Variants in CPLX2 observed in about 807,000 individuals in gnomAD.
CPLX2 encodes the protein complexin 2, also known as complexin-2.
Under a neutral mutation model 16.3 loss-of-function variants are expected in CPLX2, and 5 were observed. The observed-to-expected ratio is 0.31, with a 90% CI of 0.16 to 0.64. The LOEUF is 0.64. CPLX2 is among the 30% of genes least tolerant of loss of function. CPLX2 has a pLI of 0.79. For synonymous variants in CPLX2, 89 were observed against 73.2 expected (o/e 1.22, Z -1.10); for missense variants, 144 against 181.4 (o/e 0.79, Z 1.18).
In CPLX2 at chr5:175,845,175, T is replaced by C. The variant is rs1334241197; in HGVS notation, c.-88-33477T>C. Among the ~76,000 whole-genome samples, 1 of 152,240 alleles carries C rather than the reference T, an allele frequency of 6.6e-6. No individual in the cohort carries two copies. The highest frequency in any genetic ancestry group is 1.5e-5 in the Non-Finnish European group (1 of 68,042). On this transcript the variant is annotated intron_variant, in intron 2 of 4. Transcript: ENST00000359546. This position sits in a 1 kb window ranked among gnomAD's most constrained non-coding sequence, Gnocchi z 4.0. Reference sequence around the variant, plus strand: ...ATTTTCTCTTCACAACCACTCTGTGTGGGAGTCAACAGCAGACACCTTTTC... The same window carrying C: ...ATTTTCTCTTCACAACCACTCTGTGCGGGAGTCAACAGCAGACACCTTTTC...
chr5:175,879,179 C>G, intron 3 of CPLX2, 96 bp downstream of exon 3: 3 of 1,297,054 alleles, frequency 2.3e-6, no homozygotes, highest in South Asian at 1.5e-5. Flanking sequence ...GATCCCAGCT[C>G]TCACCTTCGC....
chr5:175,858,069 G>A (rs1006625556), intron 2 of CPLX2, among the ~76,000 whole-genome samples: 5 of 152,366 alleles, frequency 3.3e-5, no homozygotes, highest in Middle Eastern at 6.8e-3. Flanking sequence ...GCTCAGAGTG[G>A]AAAGCTGACT....
At chr5:175,818,650 CTTTTTTTTTTTTTTTT>C (rs70988300) in intron 2 of CPLX2, among the ~76,000 whole-genome samples, 1 of 50,808 alleles carries the variant, frequency 2.0e-5, no homozygotes, top group African/African-American at 7.4e-5. Flanking sequence ...CTGTCCCAAC[CTTTTTTTTTTTTTTTT>C]TTTTTTTTTT....
intron 1 of CPLX2, among the ~76,000 whole-genome samples, chr5:175,877,200 C>T (rs1446923917): frequency 6.6e-6 from 1 of 151,476 alleles, no homozygotes; most frequent in Admixed American, 6.6e-5. Context: ...TGCCAAAGCC[C>T]CTGGGCTGTT....
chr5:175,838,804 T>A (rs1758892266), intron 2 of CPLX2, among the ~76,000 whole-genome samples: 1 of 152,220 alleles, frequency 6.6e-6, no homozygotes, highest in African/African-American at 2.4e-5. Flanking sequence ...TCACTCTAAC[T>A]TTCTTACCCA....
At chr5:175,870,155 A>T (rs1759559289), upstream of CPLX2, among the ~76,000 whole-genome samples, 2 of 152,214 alleles carry the variant, frequency 1.3e-5, no homozygotes, top group African/African-American at 4.8e-5. Context: ...AAGAATAAGC[A>T]TTCTATGCTG....
intron 2 of CPLX2, among the ~76,000 whole-genome samples, chr5:175,851,173 T>A (rs1759144578): frequency 6.6e-6 from 1 of 152,026 alleles, no homozygotes; most frequent in African/African-American, 2.4e-5. Flanking sequence ...CACTTTCTTG[T>A]CTCTTCAAAG....
At chr5:175,853,005 G>A (rs541378925) in intron 2 of CPLX2, among the ~76,000 whole-genome samples, 1 of 152,340 alleles carries the variant, frequency 6.6e-6, no homozygotes, top group South Asian at 2.1e-4. Flanking sequence ...CATGACCAGA[G>A]GGCTAGCCTC....
At chr5:175,832,925 T>C (rs1758758653) in intron 2 of CPLX2, among the ~76,000 whole-genome samples, 1 of 152,044 alleles carries the variant, frequency 6.6e-6, no homozygotes, top group Non-Finnish European at 1.5e-5. Context: ...GAGGCCGAGG[T>C]GGGCAGATCT....
intron 2 of CPLX2, among the ~76,000 whole-genome samples, chr5:175,811,228 G>C (rs1052539266): frequency 9.9e-5 from 15 of 152,232 alleles, no homozygotes; most frequent in African/African-American, 3.6e-4. Flanking sequence ...TCTGCATTCT[G>C]AGTTAACAAA....
In CPLX2 at chr5:175,879,034, C is replaced by T; in HGVS notation, c.158C>T (p.Ala53Val). The T allele has an allele frequency of 6.3e-7, 1 of 1,592,104 alleles. No homozygotes were observed. The highest frequency in any genetic ancestry group is 8.5e-7 in the Non-Finnish European group (1 of 1,169,756). The change falls in exon 3 of 4, where the codon GCG becomes GTG. Residue 53 changes from alanine (A) to valine (V), a missense_variant. Coordinates refer to ENST00000393745, the MANE Select transcript of CPLX2 (RefSeq NM_001008220.2). The part of the protein sequence containing the change: ...QQEEERKAKH[A>V]RMEAEREKVR... ...GAGGAGGAGCGTAAGGCCAAGCACGCGCGCATGGAGGCGGAGCGGGAGAAG... is the reference window on the plus strand; with the variant it reads ...GAGGAGGAGCGTAAGGCCAAGCACGTGCGCATGGAGGCGGAGCGGGAGAAG...
In CPLX2 at chr5:175,871,709, G is replaced by A. The variant is rs1759624672; in HGVS notation, c.-89+4G>A. The A allele has an allele frequency of 6.6e-6, 1 of 152,548 alleles. No individual in the cohort carries two copies. The highest frequency in any genetic ancestry group is 6.5e-5 in the Admixed American group (1 of 15,294). The allele number at this position is 152,548 out of a possible 1,614,324, so 9.4% of individuals were successfully genotyped here. A position where few individuals can be genotyped will look rare whatever the true frequency, so the allele number is the denominator to read the frequency against. On this transcript the variant is annotated splice_donor_region_variant and intron_variant, in intron 1 of 3. Transcript: ENST00000393745. ...AGACGGTTGCAGGGACCGCCAGGTC[G>A]GTGCTGGCCGAGGGCCGGGAGGGCG...
At chr5:175,811,378 A>C (rs1233667492) in intron 2 of CPLX2, among the ~76,000 whole-genome samples, 1 of 152,216 alleles carries the variant, frequency 6.6e-6, no homozygotes, top group Non-Finnish European at 1.5e-5. Flanking sequence ...AGCTCAAGAA[A>C]AAATTTGAGT....
intron 2 of CPLX2, among the ~76,000 whole-genome samples, chr5:175,814,733 A>G (rs146973574): frequency 6.6e-6 from 1 of 152,312 alleles, no homozygotes; most frequent in African/African-American, 2.4e-5. Context: ...GGGCTCAGGA[A>G]AGGACCAGAG....
rs1201398635 is a variant in CPLX2 at position 175,872,555 on chromosome 5, G to A, written c.-89+850G>A. Among the ~76,000 whole-genome samples the A allele has an allele frequency of 6.6e-6, 1 of 152,104 alleles. No homozygotes were observed. Among genetic ancestry groups the A allele is most frequent in the Admixed American group, 6.5e-5 (1 of 15,280 alleles). ...CGGGGGTCCGGGAGAGGGGCGCCGGGGTTCCTGTCCTCTCTTCTGGCCGGG... is the reference window on the plus strand; with the variant it reads ...CGGGGGTCCGGGAGAGGGGCGCCGGAGTTCCTGTCCTCTCTTCTGGCCGGG... On this transcript the variant is annotated intron_variant, in intron 1 of 3. Transcript: ENST00000393745. This position sits in a 1 kb window ranked among gnomAD's most constrained non-coding sequence, Gnocchi z 5.0.
rs571786232 is a variant in CPLX2 at position 175,812,819 on chromosome 5, C to T, written c.-89+3751C>T. On this transcript the variant is annotated intron_variant, in intron 2 of 4. Coordinates refer to the CPLX2 transcript ENST00000359546. ...CTAGATCCTCCAAATCCATTTCAAC[C>T]ACAAAAGCTTCGCTTTTATCTGTTG... is the stretch of plus-strand genomic sequence containing the variant. Among the ~76,000 whole-genome samples, 4 of 152,348 alleles carry T rather than the reference C, an allele frequency of 2.6e-5. No homozygotes were observed. In the East Asian group the frequency reaches 7.7e-4, roughly 29 times the overall value.
At chr5:175,855,228 G>C (rs1759232149) in intron 2 of CPLX2, among the ~76,000 whole-genome samples, 1 of 152,114 alleles carries the variant, frequency 6.6e-6, no homozygotes, top group Non-Finnish European at 1.5e-5. Flanking sequence ...GAGCAGTCGA[G>C]GTTCAGTCCA....
intron 2 of CPLX2, among the ~76,000 whole-genome samples, chr5:175,863,518 G>C (rs1166392428): frequency 6.6e-6 from 1 of 152,122 alleles, no homozygotes; most frequent in African/African-American, 2.4e-5. Context: ...GAGGGCCTGG[G>C]GATTAAATCA....
At chr5:175,851,059 G>A (rs933460369) in intron 2 of CPLX2, among the ~76,000 whole-genome samples, 4 of 151,930 alleles carry the variant, frequency 2.6e-5, no homozygotes, top group Admixed American at 6.6e-5. Context: ...TGGTAGAGCC[G>A]CTGCCTGAGG....
Sources: allele counts gnomAD v4.1 joint callset (sites outside exome capture counted in the v4.1 genomes callset), GRCh38; gene constraint gnomAD v4.1.1; non-coding constraint Gnocchi (gnomAD v3.1); transcripts MANE v1.5; gene names NCBI Gene and HGNC (gene_info 2026-07-23, HGNC 2026-07-21).